Variants in EPHA7 observed in about 807,000 individuals in gnomAD.
EPHA7 encodes the protein EPH receptor A7, also known as ephrin type-A receptor 7.
A neutral mutation model predicts 112.6 loss-of-function variants in EPHA7; 25 were observed. The ratio of observed to expected loss-of-function variants is 0.22; its 90% CI spans 0.16 to 0.31. The LOEUF (loss-of-function observed/expected upper bound fraction) is 0.31, where lower values mean the gene tolerates loss of function less well. Ranked by LOEUF, EPHA7 falls within the 10% of genes least tolerant of loss-of-function variation. The probability of loss-of-function intolerance (pLI) is 1.00; values close to 1 mark genes in which losing one functional copy is unlikely to be tolerated. For synonymous variants in EPHA7, 437 were observed against 406.5 expected (o/e 1.07, Z -0.90); for missense variants, 962 against 1,212.6 (o/e 0.79, Z 3.07).
intron 2 of EPHA7, 108 bp downstream of exon 2, chr6:93,414,595 G>T: frequency 1.2e-6 from 1 of 811,354 alleles, no homozygotes; most frequent in Non-Finnish European, 2.0e-6. Context: ...AAGATATTTG[G>T]AATTAAACAG....
rs1476234281 is a variant in EPHA7 at position 93,405,801 on chromosome 6, G to GTATA, written c.832+4699_832+4700insTATA. The stretch of plus-strand genomic sequence containing the variant: ...TGTATATATGTGTGTGTGTGTGTGT[G>GTATA]TGTGTGTGTGTGTATATATATATAT... On this transcript the variant is annotated intron_variant, in intron 3 of 16. Transcript: ENST00000369303. Among the ~76,000 whole-genome samples, 114 of 64,218 alleles carry GTATA rather than the reference G, an allele frequency of 1.8e-3. 1 individual carries two copies. The highest frequency in any genetic ancestry group is 6.9e-3 in the Middle Eastern group (1 of 144). The allele number at this position is 64,218 out of a possible 152,430, so 42.1% of individuals were successfully genotyped here. A position where few individuals can be genotyped will look rare whatever the true frequency, so the allele number is the denominator to read the frequency against.
chr6:93,241,982 C>A lies in EPHA7; in HGVS notation c.*1444G>T, dbSNP rs937017083. On this transcript the variant is annotated 3_prime_UTR_variant, in exon 17 of 17. Transcript: ENST00000369303. Reference sequence around the variant, plus strand: ...TCTCTATTAAAATCATTATAAACAGCCCAATTCTCTTTGGAAGTACAACAG... The same window carrying A: ...TCTCTATTAAAATCATTATAAACAGACCAATTCTCTTTGGAAGTACAACAG... The A allele has an allele frequency of 4.7e-5, 10 of 212,302 alleles. No homozygotes were observed. The highest frequency in any genetic ancestry group is 2.0e-4 in the African/African-American group (9 of 44,116). The allele number at this position is 212,302 out of a possible 1,614,324, so 13.2% of individuals were successfully genotyped here.
intron 3 of EPHA7, among the ~76,000 whole-genome samples, chr6:93,373,439 G>T (rs1351952246): frequency 6.6e-6 from 1 of 152,012 alleles, no homozygotes; most frequent in Non-Finnish European, 1.5e-5. Flanking sequence ...GCAGGTCAGG[G>T]AAACTTGCGT....
intron 15 of EPHA7, 119 bp downstream of exon 15, chr6:93,246,673 A>G: frequency 1.3e-6 from 1 of 764,482 alleles, no homozygotes; most frequent in Non-Finnish European, 2.1e-6. Context: ...AATACATTTA[A>G]TATGAGTTTA....
intron 5 of EPHA7, among the ~76,000 whole-genome samples, chr6:93,314,996 G>A (rs1388544169): frequency 2.2e-4 from 32 of 148,410 alleles, no homozygotes; most frequent in Admixed American, 1.9e-3. Flanking sequence ...CCGAGTAGCT[G>A]GGACTACAGG....
At chr6:93,324,275 C>A (rs954758930) in intron 5 of EPHA7, among the ~76,000 whole-genome samples, 1 of 151,052 alleles carries the variant, frequency 6.6e-6, no homozygotes, top group Non-Finnish European at 1.5e-5. Context: ...TCATAATATT[C>A]ATCAGAATCT....
chr6:93,356,449 C>T (rs1031190113), intron 5 of EPHA7, among the ~76,000 whole-genome samples: 3 of 152,006 alleles, frequency 2.0e-5, no homozygotes, highest in East Asian at 1.9e-4. Flanking sequence ...GTGATCTGCC[C>T]GCCTCGGCCT....
chr6:93,361,103 T>G (rs1209959161), intron 3 of EPHA7, among the ~76,000 whole-genome samples: 4 of 152,106 alleles, frequency 2.6e-5, no homozygotes, highest in African/African-American at 9.6e-5. Context: ...ACTATGAATT[T>G]TGACACTGAT....
chr6:93,294,557 T>A (rs1011229111), intron 5 of EPHA7, among the ~76,000 whole-genome samples: 1 of 152,176 alleles, frequency 6.6e-6, no homozygotes, highest in Non-Finnish European at 1.5e-5. Flanking sequence ...AAAAAAATAG[T>A]CCATATGTCT....
At chr6:93,307,743 A>C (rs558615842) in intron 5 of EPHA7, among the ~76,000 whole-genome samples, 6 of 152,294 alleles carry the variant, frequency 3.9e-5, no homozygotes, top group Admixed American at 2.6e-4. Flanking sequence ...CATTATGCTT[A>C]TGTTTTAATT....
intron 5 of EPHA7, among the ~76,000 whole-genome samples, chr6:93,314,387 C>T (rs1285657529): frequency 6.6e-6 from 1 of 152,174 alleles, no homozygotes; most frequent in Non-Finnish European, 1.5e-5. Flanking sequence ...TGAAGAATCT[C>T]AGGCTTGGAT....
chr6:93,277,190 A>C (rs975599218), intron 5 of EPHA7, among the ~76,000 whole-genome samples: 14 of 152,050 alleles, frequency 9.2e-5, no homozygotes, highest in Non-Finnish European at 1.9e-4. Flanking sequence ...GTGTGTTACT[A>C]TGAGCTTAGT....
chr6:93,326,612 T>C (rs140354927), intron 5 of EPHA7, among the ~76,000 whole-genome samples: 178 of 151,620 alleles, frequency 1.2e-3, no homozygotes, highest in African/African-American at 4.1e-3. Context: ...CTCCTCTTCA[T>C]TGTTTTTAGC....
intron 5 of EPHA7, among the ~76,000 whole-genome samples, chr6:93,326,216 C>T (rs1397049937): frequency 6.6e-6 from 1 of 151,320 alleles, no homozygotes; most frequent in Non-Finnish European, 1.5e-5. Context: ...CCATGAGAGG[C>T]TATGTTCATG....
At chr6:93,416,452 C>A (rs1412947968) in intron 1 of EPHA7, among the ~76,000 whole-genome samples, 1 of 152,146 alleles carries the variant, frequency 6.6e-6, no homozygotes, top group East Asian at 1.9e-4. Flanking sequence ...CATTCTGCTA[C>A]CCCTCAGCTC....
At chr6:93,396,576 C>T (rs936496331) in intron 3 of EPHA7, among the ~76,000 whole-genome samples, 1 of 151,666 alleles carries the variant, frequency 6.6e-6, no homozygotes, top group Non-Finnish European at 1.5e-5. Flanking sequence ...TTACATAACC[C>T]CAAATTCCAC....
intron 5 of EPHA7, among the ~76,000 whole-genome samples, chr6:93,349,294 A>C (rs1420598603): frequency 1.3e-5 from 2 of 151,894 alleles, no homozygotes; most frequent in Non-Finnish European, 2.9e-5. Flanking sequence ...AATAAATTTC[A>C]CTAACAGTCT....
intron 3 of EPHA7, among the ~76,000 whole-genome samples, chr6:93,401,574 A>C (rs1489643047): frequency 6.6e-6 from 1 of 152,054 alleles, no homozygotes; most frequent in Non-Finnish European, 1.5e-5. Flanking sequence ...CTAATTTCTA[A>C]ATTGAGTTGT....
chr6:93,419,237 C>T lies in EPHA7; in HGVS notation c.97+8G>A, dbSNP rs1458280683. 1 of 1,611,070 alleles carries T rather than the reference C, an allele frequency of 6.2e-7. No homozygotes were observed. Among genetic ancestry groups the T allele is most frequent in the African/African-American group, 1.3e-5 (1 of 74,800 alleles). On this transcript the variant is annotated splice_region_variant and intron_variant, in intron 1 of 16. Transcript: ENST00000369303. ...GTCAGAACAAACTTTGCTTTCCCAT[C>T]ACCTTACCTTCCTTCGCAGCCTGCG...
Sources: gnomAD v4.1 joint callset for allele counts (sites outside exome capture counted in the v4.1 genomes callset) on GRCh38, gnomAD v4.1.1 for gene constraint, MANE v1.5 for transcripts, NCBI Gene and HGNC (gene_info 2026-07-23, HGNC 2026-07-21) for gene names.